Variants in TAF2 observed in about 807,000 individuals in gnomAD.
TAF2 encodes the protein transcription initiation factor TFIID subunit 2.
Under a neutral mutation model 138.5 loss-of-function variants are expected in TAF2, and 61 were observed. That is an observed-to-expected ratio of 0.44 (90% CI 0.36 to 0.54). TAF2 has a LOEUF of 0.54. TAF2 is among the 20% of genes least tolerant of loss of function. The pLI is 0.00. For missense variants in TAF2, 1,090 were observed against 1,427.9 expected, an observed-to-expected ratio of 0.76 and a Z score of 3.81; for synonymous variants, 475 against 469.9, an observed-to-expected ratio of 1.01 and a Z score of -0.14.
intron 3 of TAF2, among the ~76,000 whole-genome samples, chr8:119,807,534 G>GT (rs1275206165): frequency 1.3e-5 from 2 of 152,204 alleles, no homozygotes; most frequent in Non-Finnish European, 2.9e-5. Context: ...CCACATCCTC[G>GT]TTGTACACCT....
intron 3 of TAF2, among the ~76,000 whole-genome samples, chr8:119,815,420 G>T (rs4871640): frequency 6.6e-6 from 1 of 151,046 alleles, no homozygotes; most frequent in Non-Finnish European, 1.5e-5. Flanking sequence ...GACTACAGGC[G>T]CCTGCCACCA....
At chr8:119,781,820 T>C (rs2131136737) in intron 16 of TAF2, among the ~76,000 whole-genome samples, 1 of 152,098 alleles carries the variant, frequency 6.6e-6, no homozygotes, top group South Asian at 2.1e-4. Flanking sequence ...CCTGAGTAGC[T>C]GGAACTACAG....
At chr8:119,732,380 T>C (rs535195627) in intron 25 of TAF2, among the ~76,000 whole-genome samples, 194 bp from the exon 26 acceptor site, 81 of 152,330 alleles carry the variant, frequency 5.3e-4, no homozygotes, top group South Asian at 4.1e-3. Context: ...GGCCAGGAAG[T>C]TGAATATATA....
At chr8:119,744,498 C>G in intron 23 of TAF2, 105 bp from the exon 24 acceptor site, 1 of 874,604 alleles carries the variant, frequency 1.1e-6, no homozygotes, top group Non-Finnish European at 1.9e-6. Flanking sequence ...AGGATATACC[C>G]CCATATAATC....
At chr8:119,787,074 A>G (rs1303854000) in intron 14 of TAF2, among the ~76,000 whole-genome samples, 1 of 152,204 alleles carries the variant, frequency 6.6e-6, no homozygotes. Context: ...GAAACTAAAG[A>G]GTTTCTGCAC....
At chr8:119,819,020 C>T (rs949146609) in intron 3 of TAF2, among the ~76,000 whole-genome samples, 2 of 151,918 alleles carry the variant, frequency 1.3e-5, no homozygotes, top group African/African-American at 2.4e-5. Context: ...CCATCTAACC[C>T]ACTGAAAATT....
chr8:119,805,435 G>A (rs1423938659), intron 4 of TAF2, among the ~76,000 whole-genome samples: 1 of 152,166 alleles, frequency 6.6e-6, no homozygotes, highest in Non-Finnish European at 1.5e-5. Context: ...GCCAGGCGCA[G>A]TGGCTCACGC....
chr8:119,810,594 C>T (rs1824984559), intron 3 of TAF2, among the ~76,000 whole-genome samples: 1 of 152,200 alleles, frequency 6.6e-6, no homozygotes, highest in African/African-American at 2.4e-5. Flanking sequence ...TACCATTCTG[C>T]ATTGCCATCA....
At chr8:119,817,221 AAATAT>A (rs1825535455) in intron 3 of TAF2, among the ~76,000 whole-genome samples, 1 of 152,170 alleles carries the variant, frequency 6.6e-6, no homozygotes, top group South Asian at 2.1e-4. Flanking sequence ...TTTGTATTAT[AAATAT>A]AATATATATA....
chr8:119,783,326 G>A (rs530139446), intron 16 of TAF2, 55 bp downstream of exon 16: 2 of 1,573,730 alleles, frequency 1.3e-6, no homozygotes, highest in Admixed American at 3.6e-5. Context: ...TTCATTTTCA[G>A]AGATACAAAA....
rs754914216 is a variant in TAF2, at chr8:119,803,824, C to A, written c.560+54G>T. On this transcript the variant is annotated intron_variant, in intron 5 of 25. Coordinates refer to ENST00000378164, the MANE Select transcript of TAF2 (RefSeq NM_003184.4). Reference sequence around the variant, plus strand: ...ACACCAAATGTATGTCTTGCTTATACATAAAAAATGCAATTTAAAAATTAA... The same window carrying A: ...ACACCAAATGTATGTCTTGCTTATAAATAAAAAATGCAATTTAAAAATTAA... The A allele has an allele frequency of 5.6e-4, 845 of 1,510,342 alleles. 1 individual carries two copies. Among genetic ancestry groups the A allele is most frequent in the Non-Finnish European group, 7.2e-4 (797 of 1,103,404 alleles). The allele number at this position is 1,510,342 out of a possible 1,614,324, so 93.6% of individuals were successfully genotyped here.
intron 18 of TAF2, among the ~76,000 whole-genome samples, chr8:119,768,112 G>A (rs998155560): frequency 1.1e-4 from 16 of 152,186 alleles, no homozygotes; most frequent in Admixed American, 5.9e-4. Flanking sequence ...ACAGCAGCAC[G>A]GCCACCCTGC....
intron 1 of TAF2, among the ~76,000 whole-genome samples, chr8:119,832,198 G>A (rs1826500999): frequency 6.6e-6 from 1 of 151,560 alleles, no homozygotes; most frequent in South Asian, 2.1e-4. Context: ...TCTACCAATT[G>A]GGATAATTTT....
At chr8:119,788,730 C>T in intron 13 of TAF2, 60 bp downstream of exon 13, 1 of 1,172,404 alleles carries the variant, frequency 8.5e-7, no homozygotes, top group Non-Finnish European at 1.3e-6. Flanking sequence ...ATCCCTAAGT[C>T]CCTCTTCTAT....
chr8:119,824,538 T>C (rs1220548537), intron 2 of TAF2, among the ~76,000 whole-genome samples: 3 of 151,550 alleles, frequency 2.0e-5, no homozygotes, highest in East Asian at 1.9e-4. Flanking sequence ...CCCAAGAAAA[T>C]GGGGAAAATG....
At chr8:119,780,807 C>T (rs919414330) in intron 17 of TAF2, among the ~76,000 whole-genome samples, 1 of 151,630 alleles carries the variant, frequency 6.6e-6, no homozygotes, top group African/African-American at 2.4e-5. Flanking sequence ...TGGTGGTGAG[C>T]GCCTGTAGTC....
intron 3 of TAF2, among the ~76,000 whole-genome samples, chr8:119,811,457 A>G (rs1292862771): frequency 6.6e-6 from 1 of 152,184 alleles, no homozygotes; most frequent in African/African-American, 2.4e-5. Context: ...AATTTTCACA[A>G]ACTGAAAAAT....
chr8:119,816,886 C>A (rs1042819423), intron 3 of TAF2, among the ~76,000 whole-genome samples: 3 of 152,170 alleles, frequency 2.0e-5, no homozygotes, highest in South Asian at 2.1e-4. Flanking sequence ...ATCCTTCATG[C>A]GAATTTCATT....
chr8:119,826,652 G>A (rs1283236977), intron 2 of TAF2, among the ~76,000 whole-genome samples: 2 of 151,376 alleles, frequency 1.3e-5, no homozygotes, highest in South Asian at 2.1e-4. Flanking sequence ...GTGCAGCAGT[G>A]CGATTTCGGC....
Sources: allele counts gnomAD v4.1 joint callset (sites outside exome capture counted in the v4.1 genomes callset), GRCh38; gene constraint gnomAD v4.1.1; transcripts MANE v1.5; gene names NCBI Gene and HGNC (gene_info 2026-07-23, HGNC 2026-07-21).